DDHD1: variants seen among roughly 807,000 people sequenced by gnomAD.
DDHD1 encodes the protein DDHD domain containing 1.
In DDHD1, 49 loss-of-function variants were observed where a neutral mutation model predicts 96.4. The ratio of observed to expected loss-of-function variants is 0.51; its 90% confidence interval spans 0.40 to 0.64. The LOEUF (loss-of-function observed/expected upper bound fraction) is 0.64. Ranked by LOEUF, DDHD1 falls within the 30% of genes least tolerant of loss-of-function variation. The pLI is 0.00. For missense variants in DDHD1, 1,106 were observed against 1,161.2 expected (o/e 0.95, Z 0.69); for synonymous variants, 442 against 446.5 (o/e 0.99, Z 0.13).
Position 53,067,828 on chromosome 14 carries a change from T to C in DDHD1, c.1504-4623A>G, listed in dbSNP as rs189992754. The stretch of plus-strand genomic sequence containing the variant: ...ATAAAAATAACACAAAGATCACTCA[T>C]ATAACCTTTACCCAGGTTCACATAT... On this transcript the variant is annotated intron_variant, in intron 6 of 12. Coordinates refer to ENST00000673822, the MANE Select transcript of DDHD1 (RefSeq NM_001160148.2). Among the ~76,000 whole-genome samples, 53 of 152,358 alleles carry C rather than the reference T, an allele frequency of 3.5e-4. 1 individual carries two copies. In the East Asian group the frequency reaches 9.6e-3, roughly 28 times the overall value.
At chr14:53,133,723 T>C (rs1890039323) in intron 1 of DDHD1, among the ~76,000 whole-genome samples, 1 of 152,122 alleles carries the variant, frequency 6.6e-6, no homozygotes, top group Non-Finnish European at 1.5e-5. Context: ...ACCAGCCCTC[T>C]AGGTGACTAT....
At chr14:53,048,709 G>A (rs1882267500) in intron 12 of DDHD1, 1 of 152,184 alleles carries the variant, frequency 6.6e-6, no homozygotes, top group South Asian at 2.1e-4. Context: ...TGAAATCCAT[G>A]TGGACTGGTG....
Position 53,039,543 on chromosome 14 carries a change from G to A in DDHD1, c.*7225C>T, listed in dbSNP as rs746218122. 3 of 152,402 alleles carry A rather than the reference G, an allele frequency of 2.0e-5. No individual in the cohort carries two copies. The highest frequency in any genetic ancestry group is 4.8e-5 in the African/African-American group (2 of 41,450). The allele number at this position is 152,402 out of a possible 1,614,324, so 9.4% of individuals were successfully genotyped here. On this transcript the variant is annotated 3_prime_UTR_variant, in exon 13 of 13. Coordinates refer to ENST00000673822, the MANE Select transcript of DDHD1 (RefSeq NM_001160148.2). The stretch of plus-strand genomic sequence containing the variant: ...AGAAAATAATTTTAACAAGGAGCAG[G>A]AAAGGATTCAAGACATGGAATTGGC...
intron 1 of DDHD1, among the ~76,000 whole-genome samples, chr14:53,107,711 A>G (rs1229511545): frequency 1.3e-5 from 2 of 152,146 alleles, no homozygotes; most frequent in Non-Finnish European, 2.9e-5. Flanking sequence ...GAATCACTTG[A>G]ACCCGGGAGG....
At chr14:53,113,196 G>C (rs1379593997) in intron 1 of DDHD1, among the ~76,000 whole-genome samples, 1 of 151,482 alleles carries the variant, frequency 6.6e-6, no homozygotes, top group Non-Finnish European at 1.5e-5. Flanking sequence ...CAAAACTCCT[G>C]ACCTCAAGTG....
chr14:53,142,418 T>A (rs917546770), intron 1 of DDHD1, among the ~76,000 whole-genome samples: 2 of 146,002 alleles, frequency 1.4e-5, no homozygotes, highest in Non-Finnish European at 3.0e-5. Flanking sequence ...AAGGTCTCCA[T>A]CATAAGAAGA....
chr14:53,045,225 CTTTTT>C lies in DDHD1; in HGVS notation c.*1538_*1542del, dbSNP rs1486146010. 1 of 152,352 alleles carries C rather than the reference CTTTTT, an allele frequency of 6.6e-6. No homozygotes were observed. Among genetic ancestry groups the C allele is most frequent in the Admixed American group, 6.6e-5 (1 of 15,264 alleles). 9.4% of individuals were successfully genotyped at this position (152,352 alleles called of 1,614,324 possible). On this transcript the variant is annotated 3_prime_UTR_variant, in exon 13 of 13. Transcript: ENST00000673822. ...TGGCCTGGCTTCAACCCAAGCTTTT[CTTTTT>C]TGTTTTTTAGAGACAGGGTCTGGCT...
intron 2 of DDHD1, among the ~76,000 whole-genome samples, chr14:53,098,529 T>C (rs1322991574): frequency 6.6e-6 from 1 of 151,998 alleles, no homozygotes; most frequent in African/African-American, 2.4e-5. Context: ...CTGCCAACTA[T>C]AATGAGAAAA....
chr14:53,068,426 TTTTTG>T (rs887358364), intron 6 of DDHD1, among the ~76,000 whole-genome samples: 10 of 151,898 alleles, frequency 6.6e-5, no homozygotes, highest in Non-Finnish European at 1.5e-4. Context: ...TAAAAAATTA[TTTTTG>T]GTAGAGACAG....
At chr14:53,058,096 C>T (rs1244306985) in intron 9 of DDHD1, among the ~76,000 whole-genome samples, 1 of 152,104 alleles carries the variant, frequency 6.6e-6, no homozygotes, top group Non-Finnish European at 1.5e-5. Context: ...CCTTGGCCTC[C>T]CAAAGTGCTG....
chr14:53,134,048 A>G (rs1444553007), intron 1 of DDHD1, among the ~76,000 whole-genome samples: 4 of 152,200 alleles, frequency 2.6e-5, no homozygotes, highest in Non-Finnish European at 5.9e-5. Context: ...ATTTCTGAAT[A>G]ACAGTAATAA....
intron 2 of DDHD1, among the ~76,000 whole-genome samples, chr14:53,101,533 T>G (rs1323168233): frequency 6.6e-6 from 1 of 152,064 alleles, no homozygotes; most frequent in Non-Finnish European, 1.5e-5. Context: ...GCAAAAGTGT[T>G]CTAATAATTT....
intron 2 of DDHD1, chr14:53,103,287 A>AT (rs546730373): frequency 1.6e-3 from 580 of 369,868 alleles, no homozygotes; most frequent in Non-Finnish European, 2.0e-3. Context: ...ATAATTAAAG[A>AT]TTTTTTTTTT....
chr14:53,128,635 A>C (rs1889636471), intron 1 of DDHD1, among the ~76,000 whole-genome samples: 1 of 152,248 alleles, frequency 6.6e-6, no homozygotes, highest in Non-Finnish European at 1.5e-5. Flanking sequence ...AATTAAGTGC[A>C]ACAGCTGGTT....
intron 8 of DDHD1, among the ~76,000 whole-genome samples, chr14:53,060,060 A>G (rs1715822268): frequency 6.6e-6 from 1 of 151,784 alleles, no homozygotes; most frequent in South Asian, 2.1e-4. Flanking sequence ...CAATTTAAAA[A>G]CTCTTAACGT....
intron 1 of DDHD1, among the ~76,000 whole-genome samples, chr14:53,111,634 A>AC (rs138363988): frequency 0.011 from 1,666 of 148,350 alleles, 14 homozygotes; most frequent in African/African-American, 0.029. Flanking sequence ...AAAGTTTATT[A>AC]CCCCCCCCCA....
At chr14:53,126,364 C>G (rs1297950634) in intron 1 of DDHD1, among the ~76,000 whole-genome samples, 1 of 152,018 alleles carries the variant, frequency 6.6e-6, no homozygotes, top group Non-Finnish European at 1.5e-5. Flanking sequence ...TCTGCATACC[C>G]TATTTTACTC....
intron 1 of DDHD1, among the ~76,000 whole-genome samples, chr14:53,123,115 GTTA>G (rs139846735): frequency 0.25 from 35,061 of 138,004 alleles, 4,488 homozygotes; most frequent in Middle Eastern, 0.3. Context: ...GATAATTGCT[GTTA>G]TTATTATTAT....
chr14:53,063,524 G>A (rs1883773829), intron 6 of DDHD1, among the ~76,000 whole-genome samples: 3 of 150,182 alleles, frequency 2.0e-5, no homozygotes, highest in Admixed American at 2.0e-4. Context: ...ATACCAATAA[G>A]ATTTTCAAAG....
Sources: allele counts gnomAD v4.1 joint callset (sites outside exome capture counted in the v4.1 genomes callset), GRCh38; gene constraint gnomAD v4.1.1; transcripts MANE v1.5; gene names NCBI Gene and HGNC (gene_info 2026-07-23, HGNC 2026-07-21).